The following GLRX3 variants were observed in gnomAD, a reference collection of about 807,000 sequenced individuals.
GLRX3 encodes glutaredoxin-3.
A neutral mutation model predicts 49.5 loss-of-function variants in GLRX3; 22 were observed. That is an observed-to-expected ratio of 0.44 (90% CI 0.32 to 0.63). The LOEUF (loss-of-function observed/expected upper bound fraction) is 0.63. Among genes scored for constraint, GLRX3 ranks in the 30% least tolerant of loss-of-function variants. GLRX3 has a pLI of 0.05. For synonymous variants in GLRX3, 133 were observed against 140.0 expected (o/e 0.95, Z 0.35); for missense variants, 385 against 396.3 (o/e 0.97, Z 0.24).
chr10:130,171,549 A>G (rs1255366168), intron 7 of GLRX3, 35 bp from the exon 8 acceptor site: 2 of 1,244,488 alleles, frequency 1.6e-6, no homozygotes, highest in East Asian at 2.3e-5. Context: ...GGGTCATACA[A>G]AAATTGTAAT....
chr10:130,177,556 T>G (rs1163266765), intron 10 of GLRX3, among the ~76,000 whole-genome samples: 2 of 152,130 alleles, frequency 1.3e-5, no homozygotes, highest in Admixed American at 6.6e-5. Context: ...AACAGAGACA[T>G]AGAGAGGTCA....
At chr10:130,140,819 A>T (rs376514046) in intron 1 of GLRX3, among the ~76,000 whole-genome samples, 10 of 152,264 alleles carry the variant, frequency 6.6e-5, no homozygotes, top group African/African-American at 1.4e-4. Context: ...ATGTTTTCTT[A>T]TGACCATTTA....
rs1190457805 is a variant in GLRX3, at chr10:130,179,556, A to AT, written c.*171dup. On this transcript the variant is annotated 3_prime_UTR_variant, in exon 11 of 11. Transcript: ENST00000331244. ...GTCGTGCTAAATAAATGTATGTTAC[A>AT]TTTTTTTCCCACCAAAAATAGAATG... The AT allele has an allele frequency of 1.7e-6, 1 of 584,092 alleles. No homozygotes were observed. The highest frequency in any genetic ancestry group is 3.7e-5 in the Admixed American group (1 of 26,794). The allele number at this position is 584,092 out of a possible 1,614,324, so 36.2% of individuals were successfully genotyped here.
At chr10:130,177,546 A>G (rs1196615902) in intron 10 of GLRX3, among the ~76,000 whole-genome samples, 2 of 152,210 alleles carry the variant, frequency 1.3e-5, no homozygotes, top group South Asian at 2.1e-4. Context: ...TAGATGAGGA[A>G]ACAGAGACAT....
intron 6 of GLRX3, among the ~76,000 whole-genome samples, 200 bp from the exon 7 acceptor site, chr10:130,169,233 A>G (rs112790605): frequency 6.6e-6 from 1 of 152,194 alleles, no homozygotes; most frequent in African/African-American, 2.4e-5. Context: ...CGTTGCCTTA[A>G]AAGCCATATT....
intron 2 of GLRX3, among the ~76,000 whole-genome samples, chr10:130,146,269 T>C (rs1189492728): frequency 6.6e-6 from 1 of 152,172 alleles, no homozygotes; most frequent in African/African-American, 2.4e-5. Flanking sequence ...CTAGGTGTGC[T>C]GTAGAAAATA....
In GLRX3 at chr10:130,136,426, G is replaced by A. The variant is rs934715807; in HGVS notation, c.6G>A (p.Ala2=). M[A]AGAAEAAVAA... is the part of the protein sequence containing the mutation. Reference sequence around the variant, plus strand: ...TTCTGTCTGGCGGCGGCAGCATGGCGGCGGGGGCGGCTGAGGCAGCTGTAG... The same window carrying A: ...TTCTGTCTGGCGGCGGCAGCATGGCAGCGGGGGCGGCTGAGGCAGCTGTAG... The change falls in exon 1 of 11, where the codon GCG becomes GCA. Residue 2 remains alanine (A), a synonymous_variant. Coordinates refer to ENST00000331244, the MANE Select transcript of GLRX3 (RefSeq NM_006541.5). 8.0e-7 allele frequency: 1 copy of A among 1,254,578 alleles called. No homozygotes were observed. Among genetic ancestry groups the A allele is most frequent in the Non-Finnish European group, 1.0e-6 (1 of 993,432 alleles). 77.7% of individuals were successfully genotyped at this position (1,254,578 alleles called of 1,614,324 possible). A position where few individuals can be genotyped will look rare whatever the true frequency, so the allele number is the denominator to read the frequency against.
rs778055912 is a variant in GLRX3 at position 130,174,914 on chromosome 10, CT to C, written c.864+9del. The C allele has an allele frequency of 8.1e-6, 13 of 1,595,884 alleles. No homozygotes were observed. The African/African-American group carries it at 1.5e-4, about 18-fold the overall frequency. On this transcript the variant is annotated intron_variant, in intron 9 of 10. Transcript: ENST00000331244. ...ATATTGGAGGATGAAGAAGTAAGTT[CT>C]GTGTTTGATGTTTCACCCTTGTCTT...
intron 8 of GLRX3, among the ~76,000 whole-genome samples, chr10:130,172,692 A>T (rs1187152852): frequency 1.3e-5 from 2 of 152,256 alleles, no homozygotes. Context: ...CTGTAATCCC[A>T]GCACTTTGGG....
intron 2 of GLRX3, among the ~76,000 whole-genome samples, chr10:130,152,800 A>T (rs187809926): frequency 6.6e-6 from 1 of 151,446 alleles, no homozygotes; most frequent in South Asian, 2.1e-4. Flanking sequence ...CTTCTTGAGG[A>T]GTATATTTGT....
At position 130,142,798 on chromosome 10, in the gene GLRX3, C is replaced by T. The variant is rs545601851; in HGVS notation, c.93-2413C>T. On this transcript the variant is annotated intron_variant, in intron 1 of 10. Transcript: ENST00000331244. ...ATGTGACCCTTCAATCTTCCAGTAC[C>T]GCCTAGGACCCCTTAATCTTCCAGT... 1.1e-3 allele frequency among the ~76,000 whole-genome samples: 131 copies of T among 123,360 alleles called. 1 individual carries two copies. Among genetic ancestry groups the T allele is most frequent in the African/African-American group, 3.9e-3 (125 of 32,460 alleles). 80.9% of individuals were successfully genotyped at this position (123,360 alleles called of 152,430 possible). A position where few individuals can be genotyped will look rare whatever the true frequency, so the allele number is the denominator to read the frequency against.
intron 1 of GLRX3, among the ~76,000 whole-genome samples, chr10:130,136,772 C>T (rs1030134201): frequency 6.6e-6 from 1 of 152,146 alleles, no homozygotes; most frequent in African/African-American, 2.4e-5. Context: ...TGGCTCCGAC[C>T]CCGACGGCTG....
chr10:130,179,748 G>A, downstream of GLRX3: 1 of 251,320 alleles, frequency 4.0e-6, no homozygotes, highest in Non-Finnish European at 7.6e-6. Context: ...ATGGAGAACT[G>A]TGGCGGAATG....
chr10:130,179,503 C>G lies in GLRX3; in HGVS notation c.*111C>G. 1.5e-6 allele frequency: 1 copy of G among 687,094 alleles called. No individual in the cohort carries two copies. The allele number at this position is 687,094 out of a possible 1,614,324, so 42.6% of individuals were successfully genotyped here. On this transcript the variant is annotated 3_prime_UTR_variant, in exon 11 of 11. Transcript: ENST00000331244. Reference sequence around the variant, plus strand: ...TAGGAATAGAAAATTCCTGCTTTCTCAGTTACATGTTTTGTGTATTTCACA... The same window carrying G: ...TAGGAATAGAAAATTCCTGCTTTCTGAGTTACATGTTTTGTGTATTTCACA...
At chr10:130,169,634 C>T (rs530447343) in intron 7 of GLRX3, 144 bp downstream of exon 7, 100 of 621,778 alleles carry the variant, frequency 1.6e-4, no homozygotes, top group East Asian at 1.7e-4. Context: ...TTGGTGCTTA[C>T]GGAGATCAAA....
intron 3 of GLRX3, 128 bp from the exon 4 acceptor site, chr10:130,160,668 G>T: frequency 1.6e-6 from 1 of 631,148 alleles, no homozygotes; most frequent in Non-Finnish European, 2.8e-6. Flanking sequence ...ATGCAGTGCA[G>T]GCAATTGGCA....
chr10:130,137,785 A>T (rs968371335), intron 1 of GLRX3, among the ~76,000 whole-genome samples: 2 of 152,182 alleles, frequency 1.3e-5, no homozygotes, highest in Non-Finnish European at 2.9e-5. Context: ...CCCAGGCTGC[A>T]GTGTAGTGGA....
At chr10:130,149,546 TAGTC>T (rs1387249943) in intron 2 of GLRX3, among the ~76,000 whole-genome samples, 5 of 152,294 alleles carry the variant, frequency 3.3e-5, no homozygotes, top group South Asian at 4.1e-4. Flanking sequence ...TCAAATTACA[TAGTC>T]AGTATCTTCT....
intron 2 of GLRX3, among the ~76,000 whole-genome samples, chr10:130,158,698 G>A (rs1347523701): frequency 3.9e-5 from 6 of 152,102 alleles, no homozygotes; most frequent in Non-Finnish European, 8.8e-5. Context: ...TGTTGTGTAT[G>A]TGAAAGAAAA....
Sources: allele counts gnomAD v4.1 joint callset (sites outside exome capture counted in the v4.1 genomes callset), GRCh38; gene constraint gnomAD v4.1.1; transcripts MANE v1.5; gene names NCBI Gene and HGNC (gene_info 2026-07-23, HGNC 2026-07-21).